The following NOM1 variants were observed in gnomAD, a reference collection of about 807,000 sequenced individuals.
The protein encoded by NOM1 is nucleolar protein with MIF4G domain 1.
NOM1 carries 58 observed loss-of-function variants against 73.3 expected under a neutral mutation model. The ratio of observed to expected loss-of-function variants is 0.79; its 90% CI spans 0.64 to 0.99. The LOEUF (loss-of-function observed/expected upper bound fraction) is 0.99. Ranked by LOEUF, NOM1 falls within the 50% of genes least tolerant of loss-of-function variation. NOM1 has a pLI of 0.00. For synonymous variants in NOM1, 487 were observed against 446.8 expected, an observed-to-expected ratio of 1.09 and a Z score of -1.14; for missense variants, 1,226 against 1,131.9, an observed-to-expected ratio of 1.08 and a Z score of -1.19.
In NOM1 at chr7:156,969,591, T is replaced by A. The variant is rs1232638706; in HGVS notation, c.2471T>A (p.Phe824Tyr). The change falls in exon 11 of 11, where the codon TTC becomes TAC. Residue 824 changes from phenylalanine to tyrosine, a missense_variant. Coordinates refer to ENST00000275820, the MANE Select transcript of NOM1 (RefSeq NM_138400.2). ...GGTTTGAAGCTTTTCATCAGCCACT[T>A]CTTGCTAAAGAACGCACAGGCCCAC... ...REGLKLFISH[F>Y]LLKNAQAHRS... The A allele has an allele frequency of 3.1e-6, 5 of 1,614,108 alleles. No homozygotes were observed. The highest frequency in any genetic ancestry group is 4.2e-6 in the Non-Finnish European group (5 of 1,180,002).
intron 10 of NOM1, 23 bp downstream of exon 10, chr7:156,969,219 C>T (rs2302444): frequency 0.49 from 575,487 of 1,174,642 alleles, 143,655 homozygotes; most frequent in Middle Eastern, 0.6. Context: ...CCCTTTCCGA[C>T]GAGACATGGA....
At chr7:156,963,260 T>C (rs1438070371) in intron 6 of NOM1, 85 bp downstream of exon 6, 2 of 1,431,764 alleles carry the variant, frequency 1.4e-6, no homozygotes, top group Non-Finnish European at 9.8e-7. Context: ...AGCAGCTCTC[T>C]TACTGTTCTT....
At chr7:156,955,261 C>G (rs563028606) in intron 3 of NOM1, among the ~76,000 whole-genome samples, 10 of 152,270 alleles carry the variant, frequency 6.6e-5, no homozygotes, top group African/African-American at 2.4e-4. Flanking sequence ...TGGGCCTGTT[C>G]TCTCTTAATT....
In NOM1 at chr7:156,950,439, C is replaced by G; in HGVS notation, c.702C>G (p.Ser234Arg). Residue 234 changes from serine to arginine, a missense_variant, in exon 1 of 11, where the codon AGC becomes AGG. Transcript: ENST00000275820. The stretch of plus-strand genomic sequence containing the variant: ...GGAAAAATAGCGGCTTGTACGACAG[C>G]AGTGGTGAGGAGGAGGAAGATGCCG... ...ESGKNSGLYD[S>R]SGEEEEDAGQ... The G allele has an allele frequency of 6.2e-7, 1 of 1,614,098 alleles. No homozygotes were observed. Among genetic ancestry groups the G allele is most frequent in the Non-Finnish European group, 8.5e-7 (1 of 1,180,022 alleles).
chr7:156,956,230 A>G (rs1804723276), intron 3 of NOM1, among the ~76,000 whole-genome samples: 1 of 151,352 alleles, frequency 6.6e-6, no homozygotes, highest in African/African-American at 2.4e-5. Context: ...GCCAAAATGA[A>G]GTAGCCTTCT....
At chr7:156,957,774 CAAAAAAAAAAAAAAAAA>C (rs10549596) in intron 3 of NOM1, among the ~76,000 whole-genome samples, 1 of 115,542 alleles carries the variant, frequency 8.7e-6, no homozygotes, top group Non-Finnish European at 1.7e-5. Flanking sequence ...GACTCCGTCT[CAAAAAAAAAAAAAAAAA>C]AAAAAAAAAG....
At chr7:156,952,758 C>CGAGAAGGA (rs2134771132) in intron 2 of NOM1, among the ~76,000 whole-genome samples, 160 bp downstream of exon 2, 1 of 152,072 alleles carries the variant, frequency 6.6e-6, no homozygotes, top group South Asian at 2.1e-4. Flanking sequence ...ACCCATACCT[C>CGAGAAGGA]GAGAAGGAGA....
Position 156,970,303 on chromosome 7 carries a change from A to G in NOM1, c.*600A>G, listed in dbSNP as rs1202884544. 1 of 152,040 alleles carries G rather than the reference A, an allele frequency of 6.6e-6. No individual in the cohort carries two copies. The highest frequency in any genetic ancestry group is 1.5e-5 in the Non-Finnish European group (1 of 68,006). 9.4% of individuals were successfully genotyped at this position (152,040 alleles called of 1,614,324 possible). On this transcript the variant is annotated 3_prime_UTR_variant, in exon 11 of 11. Coordinates refer to ENST00000275820, the MANE Select transcript of NOM1 (RefSeq NM_138400.2). Reference sequence around the variant, plus strand: ...CAGTGAGACTGTCAAAAAAAAAAAAAAAATTAATAGATAAAACAGGCCACT... The same window carrying G: ...CAGTGAGACTGTCAAAAAAAAAAAAGAAATTAATAGATAAAACAGGCCACT...
chr7:156,965,374 G>C (rs961571288), intron 7 of NOM1, among the ~76,000 whole-genome samples: 2 of 152,274 alleles, frequency 1.3e-5, no homozygotes, highest in Non-Finnish European at 1.5e-5. Context: ...TGACTCTCGA[G>C]TGTATTCTGC....
rs139133431 is a variant in NOM1, at chr7:156,959,944, G to A, written c.1402G>A (p.Val468Ile). 791 of 1,613,112 alleles carry A rather than the reference G, an allele frequency of 4.9e-4. 3 individuals are homozygous for A. Among genetic ancestry groups the A allele is most frequent in the African/African-American group, 2.3e-3 (175 of 74,704 alleles). Reference protein sequence around the residue: ...EGKECDNLFTVIAHLYNFHVV... With the variant: ...EGKECDNLFTIIAHLYNFHVV... ...GAAAGAGTGTGACAACCTGTTCACCGTCATTGCCCATTTATACAACTTCCA... is the reference window on the plus strand; with the variant it reads ...GAAAGAGTGTGACAACCTGTTCACCATCATTGCCCATTTATACAACTTCCA... Residue 468 changes from valine (V) to isoleucine (I), a missense_variant, in exon 4 of 11, where the codon GTC becomes ATC. By Grantham distance (29) the Val-to-Ile change is conservative. Transcript: ENST00000275820.
intron 7 of NOM1, chr7:156,964,304 T>C (rs1023712249): frequency 5.0e-6 from 1 of 198,182 alleles, no homozygotes; most frequent in African/African-American, 2.3e-5. Flanking sequence ...CTTGCCATGT[T>C]GCTCAGGCTG....
chr7:156,967,482 C>T (rs1352058742), intron 9 of NOM1, among the ~76,000 whole-genome samples: 1 of 152,190 alleles, frequency 6.6e-6, no homozygotes, highest in Non-Finnish European at 1.5e-5. Flanking sequence ...TAGGCTTTCT[C>T]CTGCCCTGCT....
At position 156,970,930 on chromosome 7, in the gene NOM1, A is replaced by G. The variant is rs1388351583; in HGVS notation, c.*1227A>G. The G allele has an allele frequency of 1.3e-5, 2 of 152,228 alleles. No individual in the cohort carries two copies. Among genetic ancestry groups the G allele is most frequent in the African/African-American group, 4.8e-5 (2 of 41,450 alleles). 9.4% of individuals were successfully genotyped at this position (152,228 alleles called of 1,614,324 possible). ...ACTCTGAGGTCACCAAACAGTAGTT[A>G]TTTGACTGTTAATAGGTGCTACTTG... is the stretch of plus-strand genomic sequence containing the variant. On this transcript the variant is annotated 3_prime_UTR_variant, in exon 11 of 11. Transcript: ENST00000275820.
At chr7:156,955,559 A>C (rs1335401410) in intron 3 of NOM1, among the ~76,000 whole-genome samples, 1 of 152,200 alleles carries the variant, frequency 6.6e-6, no homozygotes, top group Non-Finnish European at 1.5e-5. Context: ...ACAGCAGCAC[A>C]GCATCCCTAA....
rs1225916088 is a variant in NOM1, at chr7:156,950,535, C to T, written c.798C>T (p.Asp266=). The T allele has an allele frequency of 6.2e-7, 1 of 1,612,794 alleles. No homozygotes were observed. Among genetic ancestry groups the T allele is most frequent in the Non-Finnish European group, 8.5e-7 (1 of 1,179,636 alleles). The change falls in exon 1 of 11, where the codon GAC becomes GAT. Residue 266 remains aspartate, a synonymous_variant. Coordinates refer to ENST00000275820, the MANE Select transcript of NOM1 (RefSeq NM_138400.2). The part of the protein sequence containing the change: ...QDESEEEEEG[D]VEKEKKAQEA... Reference sequence around the variant, plus strand: ...AAAGTGAGGAGGAGGAGGAGGGAGACGTAGAAAAGGAAAAGAAGGCGCAGG... The same window carrying T: ...AAAGTGAGGAGGAGGAGGAGGGAGATGTAGAAAAGGAAAAGAAGGCGCAGG...
At chr7:156,967,673 T>TGC (rs1805033152) in intron 9 of NOM1, among the ~76,000 whole-genome samples, 1 of 152,172 alleles carries the variant, frequency 6.6e-6, no homozygotes, top group Non-Finnish European at 1.5e-5. Context: ...TACAGGCTCA[T>TGC]GCCACCACGC....
In NOM1 at chr7:156,959,975, TAC is replaced by T. The variant is rs757577240; in HGVS notation, c.1435_1436del (p.Gln479ValfsTer21). 20 of 1,614,068 alleles carry T rather than the reference TAC, an allele frequency of 1.2e-5. No individual in the cohort carries two copies. Among genetic ancestry groups the T allele is most frequent in the Non-Finnish European group, 1.6e-5 (19 of 1,179,942 alleles). ...GCCCATTTATACAACTTCCACGTGG[TAC>T]AGTCTCTCCTCATCTTCGACATTTT... On this transcript the variant is annotated frameshift_variant, in exon 4 of 11. Coordinates refer to ENST00000275820, the MANE Select transcript of NOM1 (RefSeq NM_138400.2). LOFTEE classifies it high-confidence loss of function.
At position 156,972,806 on chromosome 7, in the gene NOM1, G is replaced by C. The variant is rs1805170729; in HGVS notation, c.*3103G>C. 6.6e-6 allele frequency: 1 copy of C among 152,240 alleles called. No individual in the cohort carries two copies. Among genetic ancestry groups the C allele is most frequent in the African/African-American group, 2.4e-5 (1 of 41,450 alleles). The allele number at this position is 152,240 out of a possible 1,614,324, so 9.4% of individuals were successfully genotyped here. A position where few individuals can be genotyped will look rare whatever the true frequency, so the allele number is the denominator to read the frequency against. On this transcript the variant is annotated 3_prime_UTR_variant, in exon 11 of 11. Transcript: ENST00000275820. The stretch of plus-strand genomic sequence containing the variant: ...GATCGTGCCATTGCACTCCAGCCTG[G>C]GAACAAGAGTGAAACTCTCAAAAGC...
At chr7:156,966,507 C>T in intron 8 of NOM1, 105 bp downstream of exon 8, 1 of 1,345,428 alleles carries the variant, frequency 7.4e-7, no homozygotes, top group Admixed American at 1.8e-5. Flanking sequence ...CAGGAGGCCC[C>T]TGATATCCCC....
Sources: allele counts gnomAD v4.1 joint callset (sites outside exome capture counted in the v4.1 genomes callset), GRCh38; gene constraint gnomAD v4.1.1; transcripts MANE v1.5; gene names NCBI Gene and HGNC (gene_info 2026-07-23, HGNC 2026-07-21).